GPHN: variants seen among roughly 807,000 people sequenced by gnomAD.
GPHN encodes the protein gephyrin.
In GPHN, 17 loss-of-function variants were observed where a neutral mutation model predicts 95.5. The ratio of observed to expected loss-of-function variants is 0.18; its 90% CI spans 0.12 to 0.27. The LOEUF (loss-of-function observed/expected upper bound fraction) is 0.27, where lower values mean the gene tolerates loss of function less well. Ranked by LOEUF, GPHN falls within the 10% of genes least tolerant of loss-of-function variation. The pLI, the probability that GPHN is intolerant of heterozygous loss-of-function variation, is 1.00. For synonymous variants in GPHN, 320 were observed against 322.5 expected (o/e 0.99, Z 0.08); for missense variants, 660 against 978.1 (o/e 0.67, Z 4.34).
intron 11 of GPHN, among the ~76,000 whole-genome samples, chr14:67,063,560 T>C (rs577488930): frequency 3.3e-5 from 5 of 152,332 alleles, no homozygotes; most frequent in Admixed American, 3.3e-4. Context: ...CTTCTATCCA[T>C]GAGCATGGAA....
chr14:67,208,160 C>A, the GPHN span: 2 of 1,607,678 alleles, frequency 1.2e-6, no homozygotes, highest in Non-Finnish European at 1.7e-6. Flanking sequence ...TTACCTGATG[C>A]TCTTCTGTTA....
At chr14:67,522,414 T>C in the GPHN span, among the ~76,000 whole-genome samples, 25 of 152,144 alleles carry the variant, frequency 1.6e-4, no homozygotes, top group Non-Finnish European at 1.8e-4. Flanking sequence ...AGCTTAGTCG[T>C]CTGAGGGGGG....
At chr14:67,698,710 A>C in the GPHN span, among the ~76,000 whole-genome samples, 5 of 152,228 alleles carry the variant, frequency 3.3e-5, no homozygotes, top group African/African-American at 1.2e-4. Flanking sequence ...CTGAAAAGAA[A>C]AATAAATATT....
chr14:67,306,527 G>GTA, the GPHN span, among the ~76,000 whole-genome samples: 1 of 150,510 alleles, frequency 6.6e-6, no homozygotes, highest in Non-Finnish European at 1.5e-5. Flanking sequence ...GTGTGTGTGT[G>GTA]TGTGTGTGTT....
intron 8 of GPHN, among the ~76,000 whole-genome samples, chr14:66,931,554 C>A (rs1377733675): frequency 6.6e-6 from 1 of 151,548 alleles, no homozygotes; most frequent in Non-Finnish European, 1.5e-5. Flanking sequence ...ATTTTTTATT[C>A]TTTTTTCTTT....
rs1470717628 is a variant in GPHN, at chr14:67,122,389, A to T, written c.1748+12A>T. 23 of 1,611,298 alleles carry T rather than the reference A, an allele frequency of 1.4e-5. No homozygotes were observed. Among genetic ancestry groups the T allele is most frequent in the Non-Finnish European group, 1.7e-5 (20 of 1,177,692 alleles). On this transcript the variant is annotated intron_variant, in intron 17 of 22. Coordinates refer to ENST00000478722, the MANE Select transcript of GPHN (RefSeq NM_020806.5). ...ATTGTAGGAGACAAGTAAGTATTTGATGTCATTCTGAAAAGTTTGTATTGT... is the reference window on the plus strand; with the variant it reads ...ATTGTAGGAGACAAGTAAGTATTTGTTGTCATTCTGAAAAGTTTGTATTGT...
chr14:66,631,187 A>G (rs1399581424), intron 1 of GPHN, among the ~76,000 whole-genome samples: 1 of 151,812 alleles, frequency 6.6e-6, no homozygotes, highest in Non-Finnish European at 1.5e-5. Flanking sequence ...TAGCTGGGAT[A>G]ACAGGCACTC....
At chr14:67,270,899 G>A in the GPHN span, 1 of 152,196 alleles carries the variant, frequency 6.6e-6, no homozygotes, top group Admixed American at 6.5e-5. Flanking sequence ...TTAGGGACTT[G>A]AGGGAGGTCT....
chr14:67,019,192 T>C (rs1157576844), intron 9 of GPHN, among the ~76,000 whole-genome samples: 2 of 152,224 alleles, frequency 1.3e-5, no homozygotes, highest in African/African-American at 2.4e-5. Flanking sequence ...AGTTTCTAAA[T>C]AGCTTTTTTG....
the GPHN span, among the ~76,000 whole-genome samples, chr14:67,666,290 A>G: frequency 2.0e-5 from 3 of 152,230 alleles, no homozygotes; most frequent in Non-Finnish European, 4.4e-5. Flanking sequence ...GGCAAATTCT[A>G]GAATGATTCC....
chr14:66,734,682 T>G (rs1478169438), intron 2 of GPHN, among the ~76,000 whole-genome samples: 1 of 152,226 alleles, frequency 6.6e-6, no homozygotes, highest in East Asian at 1.9e-4. Flanking sequence ...CCCAGTCTTC[T>G]TAGTAAAGTC....
intron 11 of GPHN, among the ~76,000 whole-genome samples, chr14:67,083,067 G>T (rs117097479): frequency 6.6e-6 from 1 of 152,140 alleles, no homozygotes. Context: ...GATAGAAAAA[G>T]ACATTTTGAG....
intron 3 of GPHN, among the ~76,000 whole-genome samples, chr14:66,808,985 T>C (rs1353631130): frequency 6.6e-6 from 1 of 152,158 alleles, no homozygotes; most frequent in African/African-American, 2.4e-5. Flanking sequence ...AGTTCAAGTG[T>C]GGCTAAAGTC....
At chr14:67,436,382 A>G in the GPHN span, among the ~76,000 whole-genome samples, 1 of 152,170 alleles carries the variant, frequency 6.6e-6, no homozygotes, top group African/African-American at 2.4e-5. Flanking sequence ...GTAAGGGAGA[A>G]TACAAAGTCC....
intron 2 of GPHN, among the ~76,000 whole-genome samples, chr14:66,727,281 C>A (rs756156463): frequency 6.6e-6 from 1 of 152,156 alleles, no homozygotes; most frequent in Non-Finnish European, 1.5e-5. Context: ...GTAAATTGCC[C>A]AGTCTCAGGT....
At chr14:67,118,141 G>GA (rs1483354816) in intron 16 of GPHN, among the ~76,000 whole-genome samples, 1 of 152,026 alleles carries the variant, frequency 6.6e-6, no homozygotes, top group Non-Finnish European at 1.5e-5. Context: ...AGATTAACAA[G>GA]AAAAAAAGAG....
the GPHN span, among the ~76,000 whole-genome samples, chr14:67,614,237 C>A: frequency 6.6e-6 from 1 of 152,126 alleles, no homozygotes; most frequent in Non-Finnish European, 1.5e-5. Flanking sequence ...GCACCTGGTT[C>A]TTTTCTCTCT....
At chr14:66,576,826 T>C (rs967706157) in intron 1 of GPHN, among the ~76,000 whole-genome samples, 1 of 152,242 alleles carries the variant, frequency 6.6e-6, no homozygotes, top group African/African-American at 2.4e-5. Flanking sequence ...AGAGATGAAC[T>C]GTTTCAAAAT....
intron 9 of GPHN, among the ~76,000 whole-genome samples, chr14:66,994,438 A>T: frequency 6.6e-6 from 1 of 152,178 alleles, no homozygotes; most frequent in East Asian, 1.9e-4. Flanking sequence ...CATGATATTA[A>T]TAAAATCACC....
Sources: allele counts gnomAD v4.1 joint callset (sites outside exome capture counted in the v4.1 genomes callset), GRCh38; gene constraint gnomAD v4.1.1; transcripts MANE v1.5; gene names NCBI Gene and HGNC (gene_info 2026-07-23, HGNC 2026-07-21).